Variants in CUBN observed in about 807,000 individuals in gnomAD.
CUBN encodes the protein 460 kDa receptor.
Under a neutral mutation model 405.3 loss-of-function variants are expected in CUBN, and 282 were observed. The ratio of observed to expected loss-of-function variants is 0.70; its 90% CI spans 0.63 to 0.77. The LOEUF is 0.77. Among genes scored for constraint, CUBN ranks in the 30% least tolerant of loss-of-function variants. The pLI is 0.00. For missense variants in CUBN, 4,514 were observed against 4,475.2 expected (o/e 1.01, Z -0.25); for synonymous variants, 1,684 against 1,617.0 (o/e 1.04, Z -0.99).
At chr10:16,866,945 C>T (rs1310063546) in intron 59 of CUBN, among the ~76,000 whole-genome samples, 2 of 152,196 alleles carry the variant, frequency 1.3e-5, no homozygotes, top group African/African-American at 4.8e-5. Flanking sequence ...ACAAATATAA[C>T]AAATGCACAA....
intron 28 of CUBN, among the ~76,000 whole-genome samples, chr10:17,001,215 G>A (rs867464304): frequency 7.2e-5 from 11 of 152,202 alleles, no homozygotes; most frequent in South Asian, 6.2e-4. Flanking sequence ...AACGTAGTGC[G>A]GACCCAAAGA....
chr10:17,015,630 G>A (rs1032431933), intron 28 of CUBN, among the ~76,000 whole-genome samples: 4 of 152,108 alleles, frequency 2.6e-5, no homozygotes, highest in Non-Finnish European at 4.4e-5. Flanking sequence ...GGCTCAATAA[G>A]GGTCATAACA....
chr10:17,069,206 CTTAAG>C (rs1480496650), intron 19 of CUBN, among the ~76,000 whole-genome samples: 5 of 152,112 alleles, frequency 3.3e-5, no homozygotes, highest in African/African-American at 1.2e-4. Flanking sequence ...TTGATGGACA[CTTAAG>C]TTGTTTCTAC....
intron 53 of CUBN, 88 bp downstream of exon 53, chr10:16,900,537 A>C: frequency 9.6e-7 from 1 of 1,044,804 alleles, no homozygotes; most frequent in Non-Finnish European, 1.5e-6. Flanking sequence ...ACTAAGCCTG[A>C]TGTAAAGTAG....
At position 16,933,191 on chromosome 10, in the gene CUBN, G is replaced by A. The variant is rs140202552; in HGVS notation, c.6020C>T (p.Thr2007Met). 495 of 1,614,014 alleles carry A rather than the reference G, an allele frequency of 3.1e-4. 1 individual carries two copies. The highest frequency in any genetic ancestry group is 1.2e-3 in the South Asian group (109 of 91,082). Residue 2007 changes from threonine to methionine, a missense_variant, in exon 40 of 67, where the codon ACG becomes ATG. This residue lies in a region of CUBN where 1,613 missense variants were observed against 1,542.8 expected (regional missense o/e 1.05). Transcript: ENST00000377833. Reference protein sequence around the residue: ...PDSYSNRVDCTWLIQAPDSTV... With the variant: ...PDSYSNRVDCMWLIQAPDSTV... ...AGAGTCGGGAGCCTGGATGAGCCAC[G>A]TACAGTCCACTCTATTACTGTAACT...
In CUBN at chr10:16,954,380, G is replaced by A. The variant is rs779298471; in HGVS notation, c.4855+9C>T. 3 of 1,613,876 alleles carry A rather than the reference G, an allele frequency of 1.9e-6. No individual in the cohort carries two copies. In the African/African-American group the frequency reaches 4.0e-5, roughly 22 times the overall value. On this transcript the variant is annotated intron_variant, in intron 32 of 66. Transcript: ENST00000377833. ...CTCTTGTGCCTGGGAAGATCCACAG[G>A]GTACTTGCCTTGCCTGAATTGAGCT...
intron 17 of CUBN, among the ~76,000 whole-genome samples, chr10:17,078,249 A>G (rs1835893792): frequency 1.3e-5 from 2 of 152,118 alleles, no homozygotes; most frequent in South Asian, 4.1e-4. Context: ...TGCCTAACTC[A>G]TATTTCTCTT....
chr10:17,071,887 T>C lies in CUBN; in HGVS notation c.2386A>G (p.Ile796Val), dbSNP rs1395874574. The C allele has an allele frequency of 1.9e-6, 3 of 1,613,362 alleles. No homozygotes were observed. The highest frequency in any genetic ancestry group is 3.5e-4 in the Middle Eastern group (2 of 5,778). The change falls in exon 18 of 67, where the codon ATC (isoleucine) becomes GTC (valine). Residue 796 changes from isoleucine (I) to valine (V), a missense_variant. Physicochemically the swap from Ile to Val is conservative, Grantham distance 29 (BLOSUM62 3). This residue lies in a region of CUBN where 1,448 missense variants were observed against 1,388.0 expected (regional missense o/e 1.04). Transcript: ENST00000377833. ...HIKSITNSVW[I>V]RFKIDASVEK... The stretch of plus-strand genomic sequence containing the variant: ...ACAGAAGCATCTATTTTAAACCTGA[T>C]CCAGACACTATTAGTAATGGATTTA...
At chr10:16,986,763 G>T (rs1833439417) in intron 29 of CUBN, among the ~76,000 whole-genome samples, 1 of 152,176 alleles carries the variant, frequency 6.6e-6, no homozygotes, top group South Asian at 2.1e-4. Context: ...CTCGCCTAGG[G>T]CACAGTCCCC....
chr10:16,871,663 G>A (rs1054140884), intron 58 of CUBN, among the ~76,000 whole-genome samples: 3 of 152,046 alleles, frequency 2.0e-5, no homozygotes, highest in Non-Finnish European at 4.4e-5. Flanking sequence ...ATTCTCTACA[G>A]ACAACACATT....
chr10:16,904,169 A>G, intron 50 of CUBN, 54 bp from the exon 51 acceptor site: 1 of 1,534,870 alleles, frequency 6.5e-7, no homozygotes, highest in South Asian at 1.1e-5. Context: ...TGAGAAATAC[A>G]TTCAATGAAT....
chr10:16,883,862 C>T (rs995074569), intron 56 of CUBN, among the ~76,000 whole-genome samples: 5 of 152,224 alleles, frequency 3.3e-5, no homozygotes, highest in African/African-American at 1.2e-4. Context: ...ATCTGAGAAA[C>T]ACTGAGTTTA....
intron 28 of CUBN, among the ~76,000 whole-genome samples, chr10:16,994,548 G>C (rs1287105562): frequency 6.6e-6 from 1 of 152,174 alleles, no homozygotes; most frequent in Non-Finnish European, 1.5e-5. Flanking sequence ...AAGGGAAAAA[G>C]AGATGGAGAA....
intron 17 of CUBN, among the ~76,000 whole-genome samples, chr10:17,081,043 T>C (rs1316243673): frequency 7.4e-6 from 1 of 135,206 alleles, no homozygotes; most frequent in Non-Finnish European, 1.7e-5. Flanking sequence ...TAATGTGTGT[T>C]CCTTGTGTTA....
intron 31 of CUBN, among the ~76,000 whole-genome samples, chr10:16,958,072 G>C (rs1843121100): frequency 6.6e-6 from 1 of 152,028 alleles, no homozygotes; most frequent in African/African-American, 2.4e-5. Context: ...ATCCTCTCAA[G>C]GGACAAGAGG....
chr10:16,978,340 C>T (rs1380812380), intron 31 of CUBN, among the ~76,000 whole-genome samples: 1 of 152,192 alleles, frequency 6.6e-6, no homozygotes, highest in African/African-American at 2.4e-5. Flanking sequence ...TTCACACTAC[C>T]TCATGAACCA....
Position 17,129,637 on chromosome 10 carries a change from T to C in CUBN, c.122+7A>G, listed in dbSNP as rs1228796878. On this transcript the variant is annotated splice_region_variant and intron_variant, in intron 1 of 66. Transcript: ENST00000377833. ...CCTGAGCAGGAATGACCCATGTGTT[T>C]ACTTACTGTTGGAGATTGATGCTTC... is the stretch of plus-strand genomic sequence containing the variant. 1.1e-5 allele frequency: 18 copies of C among 1,614,178 alleles called. No individual in the cohort carries two copies. The highest frequency in any genetic ancestry group is 1.4e-5 in the Non-Finnish European group (17 of 1,180,012).
chr10:17,017,794 A>G (rs1194690035), intron 28 of CUBN, among the ~76,000 whole-genome samples: 1 of 152,174 alleles, frequency 6.6e-6, no homozygotes, highest in East Asian at 1.9e-4. Flanking sequence ...GAACCTAGAA[A>G]AGCAACAGAG....
intron 56 of CUBN, among the ~76,000 whole-genome samples, chr10:16,878,376 C>A (rs1588613835): frequency 6.6e-6 from 1 of 152,188 alleles, no homozygotes; most frequent in East Asian, 1.9e-4. Context: ...ATGCCTATAT[C>A]AAATTCCAAC....
Sources: allele counts gnomAD v4.1 joint callset (sites outside exome capture counted in the v4.1 genomes callset), GRCh38; gene constraint gnomAD v4.1.1; regional missense constraint gnomAD v4.1.1; transcripts MANE v1.5; gene names NCBI Gene and HGNC (gene_info 2026-07-23, HGNC 2026-07-21).